The following RIMS1 variants were observed in gnomAD, a reference collection of about 807,000 sequenced individuals.
The protein encoded by RIMS1 is regulating synaptic membrane exocytosis 1.
Under a neutral mutation model 214.1 loss-of-function variants are expected in RIMS1, and 83 were observed. The observed-to-expected ratio is 0.39, with a 90% CI of 0.32 to 0.47. The LOEUF (loss-of-function observed/expected upper bound fraction) is 0.47. Ranked by LOEUF, RIMS1 falls within the 20% of genes least tolerant of loss-of-function variation. The probability of loss-of-function intolerance (pLI) is 0.99; values close to 1 mark genes in which losing one functional copy is unlikely to be tolerated. For synonymous variants in RIMS1, 793 were observed against 786.8 expected, an observed-to-expected ratio of 1.01 and a Z score of -0.13; for missense variants, 2,050 against 2,161.8, an observed-to-expected ratio of 0.95 and a Z score of 1.03.
intron 4 of RIMS1, among the ~76,000 whole-genome samples, chr6:72,137,364 A>G (rs1219272650): frequency 6.6e-6 from 1 of 152,092 alleles, no homozygotes; most frequent in Non-Finnish European, 1.5e-5. Flanking sequence ...AAATGTTAGT[A>G]CTTTTCTTGG....
At chr6:72,200,041 G>A (rs983254385) in intron 6 of RIMS1, among the ~76,000 whole-genome samples, 7 of 151,832 alleles carry the variant, frequency 4.6e-5, no homozygotes, top group Non-Finnish European at 7.4e-5. Flanking sequence ...GCATTAATTT[G>A]ATATCCTTTA....
rs192835658 is a variant in RIMS1 at position 71,989,713 on chromosome 6, C to T, written c.245+20650C>T. ...GTAGATATATGTTGAGCATCTGCTACGTACCAGGTACCGTGCTAGCAACCA... is the reference window on the plus strand; with the variant it reads ...GTAGATATATGTTGAGCATCTGCTATGTACCAGGTACCGTGCTAGCAACCA... On this transcript the variant is annotated intron_variant, in intron 2 of 33. Transcript: ENST00000521978. 3.5e-4 allele frequency among the ~76,000 whole-genome samples: 54 copies of T among 152,274 alleles called. No individual in the cohort carries two copies. The East Asian group carries it at 6.4e-3, about 18-fold the overall frequency.
intron 22 of RIMS1, among the ~76,000 whole-genome samples, chr6:72,271,289 ATAT>A (rs2083214865): frequency 7.2e-5 from 1 of 13,980 alleles, no homozygotes; most frequent in African/African-American, 3.5e-4. Context: ...AAAAAAAAAT[ATAT>A]ATATATATAT....
intron 4 of RIMS1, among the ~76,000 whole-genome samples, chr6:72,177,283 G>A (rs1175812843): frequency 1.3e-5 from 2 of 151,998 alleles, no homozygotes; most frequent in Admixed American, 6.6e-5. Context: ...ATGGAGTCTC[G>A]CTCTATCGTC....
chr6:72,051,194 T>C (rs1469834004), intron 2 of RIMS1, among the ~76,000 whole-genome samples: 3 of 152,210 alleles, frequency 2.0e-5, no homozygotes, highest in African/African-American at 4.8e-5. Context: ...TTCTTTTGCC[T>C]TTGAGGGTAT....
intron 23 of RIMS1, among the ~76,000 whole-genome samples, chr6:72,279,632 A>G (rs1430444017): frequency 6.6e-6 from 1 of 152,034 alleles, no homozygotes; most frequent in South Asian, 2.1e-4. Context: ...CATAATGAAA[A>G]CACTGAAACA....
At chr6:72,311,567 T>G (rs1213856269) in intron 27 of RIMS1, among the ~76,000 whole-genome samples, 1 of 152,210 alleles carries the variant, frequency 6.6e-6, no homozygotes, top group African/African-American at 2.4e-5. Context: ...TGAATTCTAA[T>G]TTGGCATATG....
intron 28 of RIMS1, 123 bp from the exon 29 acceptor site, chr6:72,333,477 A>G: frequency 1.4e-6 from 1 of 726,872 alleles, no homozygotes; most frequent in Non-Finnish European, 2.3e-6. Flanking sequence ...TAGATCCACT[A>G]CTCAACTGCA....
chr6:72,050,206 T>C (rs906185350), intron 2 of RIMS1, among the ~76,000 whole-genome samples: 4 of 152,214 alleles, frequency 2.6e-5, no homozygotes, highest in Admixed American at 2.6e-4. Flanking sequence ...TGGCAGAGAT[T>C]GTAATATCTA....
intron 4 of RIMS1, among the ~76,000 whole-genome samples, chr6:72,138,255 A>T (rs1279514007): frequency 6.6e-6 from 1 of 152,160 alleles, no homozygotes; most frequent in Non-Finnish European, 1.5e-5. Flanking sequence ...GAAACTTATT[A>T]TTTTCAAATG....
At chr6:72,067,732 C>A (rs1586170229) in intron 2 of RIMS1, among the ~76,000 whole-genome samples, 1 of 152,102 alleles carries the variant, frequency 6.6e-6, no homozygotes, top group Non-Finnish European at 1.5e-5. Flanking sequence ...ATAGATTTGT[C>A]AAAATAAGAA....
chr6:72,154,565 CTCTT>C (rs979860627), intron 4 of RIMS1, among the ~76,000 whole-genome samples: 2 of 140,792 alleles, frequency 1.4e-5, no homozygotes, highest in African/African-American at 4.9e-5. Flanking sequence ...AGAGACTAGA[CTCTT>C]TCTATTATCA....
At chr6:72,392,925 CAG>C in intron 31 of RIMS1, 115 bp downstream of exon 31, 1 of 711,220 alleles carries the variant, frequency 1.4e-6, no homozygotes, top group Non-Finnish European at 2.4e-6. Context: ...ATTTTAGCTA[CAG>C]AGTTACTGTT....
intron 2 of RIMS1, among the ~76,000 whole-genome samples, chr6:72,018,705 C>T (rs1813567680): frequency 6.6e-6 from 1 of 151,954 alleles, no homozygotes; most frequent in Admixed American, 6.6e-5. Context: ...AACAGGAAAC[C>T]CAGAGAGTGT....
intron 23 of RIMS1, among the ~76,000 whole-genome samples, chr6:72,279,883 A>T (rs1408662595): frequency 6.6e-6 from 1 of 151,758 alleles, no homozygotes; most frequent in African/African-American, 2.4e-5. Context: ...TGTCCTATAG[A>T]CTCTAAAATT....
intron 29 of RIMS1, among the ~76,000 whole-genome samples, chr6:72,364,113 C>T (rs955976771): frequency 6.6e-6 from 1 of 152,190 alleles, no homozygotes; most frequent in Admixed American, 6.5e-5. Flanking sequence ...AGGCCAAGCC[C>T]TCTCTTTTAC....
chr6:72,315,136 G>A (rs2095702922), intron 28 of RIMS1, among the ~76,000 whole-genome samples: 2 of 152,252 alleles, frequency 1.3e-5, no homozygotes, highest in Non-Finnish European at 2.9e-5. Flanking sequence ...CTACATGTTA[G>A]TAGTGTATTG....
At chr6:72,297,139 A>T (rs1231512232) in intron 26 of RIMS1, among the ~76,000 whole-genome samples, 1 of 151,954 alleles carries the variant, frequency 6.6e-6, no homozygotes, top group African/African-American at 2.4e-5. Flanking sequence ...CTGATATATT[A>T]GGCAATACAT....
chr6:71,995,841 C>T lies in RIMS1; in HGVS notation c.245+26778C>T, dbSNP rs150998198. The stretch of plus-strand genomic sequence containing the variant: ...TTGCTTTGCCGCTCAGGCTGGAGTG[C>T]AGTGGCGTGATCTTGGCACACTGCA... On this transcript the variant is annotated intron_variant, in intron 2 of 33. Coordinates refer to ENST00000521978, the MANE Select transcript of RIMS1 (RefSeq NM_014989.7). 4.6e-3 allele frequency among the ~76,000 whole-genome samples: 702 copies of T among 152,182 alleles called. 3 individuals are homozygous for T. Among genetic ancestry groups the T allele is most frequent in the Admixed American group, 0.024 (368 of 15,282 alleles).
Sources: allele counts gnomAD v4.1 joint callset (sites outside exome capture counted in the v4.1 genomes callset), GRCh38; gene constraint gnomAD v4.1.1; transcripts MANE v1.5; gene names NCBI Gene and HGNC (gene_info 2026-07-23, HGNC 2026-07-21).